The following PRDM11 variants were observed in gnomAD, a reference collection of about 807,000 sequenced individuals.
The protein encoded by PRDM11 is PR/SET domain 11, also known as PR domain-containing protein 11.
In PRDM11, 20 loss-of-function variants were observed where a neutral mutation model predicts 97.8. That is an observed-to-expected ratio of 0.20 (90% CI 0.14 to 0.30). The LOEUF (loss-of-function observed/expected upper bound fraction) is 0.30. PRDM11 is among the 10% of genes least tolerant of loss of function. The pLI, the probability that PRDM11 is intolerant of heterozygous loss-of-function variation, is 1.00. For synonymous variants in PRDM11, 599 were observed against 637.7 expected (o/e 0.94, Z 0.91); for missense variants, 1,139 against 1,555.2 (o/e 0.73, Z 4.50).
intron 6 of PRDM11, among the ~76,000 whole-genome samples, chr11:45,221,021 C>T (rs766155305): frequency 6.6e-6 from 1 of 152,072 alleles, no homozygotes; most frequent in Non-Finnish European, 1.5e-5. Context: ...TCCTGACCAA[C>T]TTACTAATTG....
chr11:45,127,299 G>T (rs1852596446), intron 1 of PRDM11, among the ~76,000 whole-genome samples: 2 of 152,142 alleles, frequency 1.3e-5, no homozygotes, highest in African/African-American at 2.4e-5. Context: ...CTGTAGCTCG[G>T]AGTAGTTTGA....
At position 45,146,763 on chromosome 11, in the gene PRDM11, C is replaced by A. The variant is rs190194785; in HGVS notation, c.-121C>A. The A allele has an allele frequency of 6.8e-6, 1 of 146,938 alleles. No homozygotes were observed. The highest frequency in any genetic ancestry group is 1.5e-5 in the Non-Finnish European group (1 of 66,036). The allele number at this position is 146,938 out of a possible 1,614,324, so 9.1% of individuals were successfully genotyped here. A position where few individuals can be genotyped will look rare whatever the true frequency, so the allele number is the denominator to read the frequency against. ...TCGCCGGGGACCAGCGCGCCCGCAG[C>A]GCGGCCGCTCCCTCCGCGGGGGCCG... On this transcript the variant is annotated 5_prime_UTR_variant, in exon 1 of 8. Coordinates refer to ENST00000683152, the MANE Select transcript of PRDM11 (RefSeq NM_001384648.1).
At chr11:45,125,993 C>T (rs1462152743) in intron 1 of PRDM11, among the ~76,000 whole-genome samples, 3 of 152,302 alleles carry the variant, frequency 2.0e-5, no homozygotes, top group East Asian at 1.9e-4. Flanking sequence ...TTGTAGTTCA[C>T]TCAGGACTTG....
chr11:45,173,328 T>C (rs1852247104), intron 1 of PRDM11, among the ~76,000 whole-genome samples: 1 of 151,962 alleles, frequency 6.6e-6, no homozygotes, highest in Admixed American at 6.5e-5. Flanking sequence ...AGCAAACACA[T>C]AAAAAAGTTC....
At chr11:45,213,117 G>C (rs778306121) in intron 5 of PRDM11, 1 of 456,262 alleles carries the variant, frequency 2.2e-6, no homozygotes, top group Non-Finnish European at 4.4e-6. Flanking sequence ...CCAGTCTTTC[G>C]TGTCCAGGAA....
At chr11:45,168,653 G>A (rs1338406734) in intron 1 of PRDM11, among the ~76,000 whole-genome samples, 1 of 152,186 alleles carries the variant, frequency 6.6e-6, no homozygotes, top group Non-Finnish European at 1.5e-5. Flanking sequence ...AGAGCCACAG[G>A]TGTAATGTGT....
intron 4 of PRDM11, among the ~76,000 whole-genome samples, chr11:45,197,640 T>C (rs1479664457): frequency 2.6e-5 from 4 of 152,184 alleles, no homozygotes; most frequent in Non-Finnish European, 5.9e-5. Flanking sequence ...TACATACAGC[T>C]TTTTGTATGC....
chr11:45,208,580 G>A (rs772668931), intron 5 of PRDM11, among the ~76,000 whole-genome samples: 1 of 152,294 alleles, frequency 6.6e-6, no homozygotes, highest in Middle Eastern at 3.4e-3. Context: ...AGGTGTGAAA[G>A]GTTGAACATG....
At chr11:45,134,335 C>G (rs1852783996) in intron 1 of PRDM11, among the ~76,000 whole-genome samples, 1 of 152,044 alleles carries the variant, frequency 6.6e-6, no homozygotes. Flanking sequence ...TAATCTCAGG[C>G]AGTTACAAAA....
At chr11:45,217,104 A>G (rs2863169) in intron 5 of PRDM11, among the ~76,000 whole-genome samples, 27,861 of 152,194 alleles carry the variant, frequency 0.18, 3,327 homozygotes, top group African/African-American at 0.34. Flanking sequence ...AACAACTTCT[A>G]TTCTGTGCTA....
chr11:45,121,273 A>T (rs1271795965), intron 1 of PRDM11, among the ~76,000 whole-genome samples: 1 of 152,190 alleles, frequency 6.6e-6, no homozygotes. Context: ...TTTATAAGAG[A>T]TACACACAAT....
At chr11:45,220,218 C>G (rs1215108457) in intron 6 of PRDM11, among the ~76,000 whole-genome samples, 1 of 152,182 alleles carries the variant, frequency 6.6e-6, no homozygotes, top group Non-Finnish European at 1.5e-5. Flanking sequence ...CTGGGAACCC[C>G]TGTGGTTAAA....
rs1854471906 is a variant in PRDM11 at position 45,234,765 on chromosome 11, C to G, written c.*6606C>G. ...TTCACTTTTGTCTCTCCGGAAGAAC[C>G]AGCAGTCTGATTCCGTCTATTTCAG... On this transcript the variant is annotated 3_prime_UTR_variant, in exon 8 of 8. Coordinates refer to ENST00000683152, the MANE Select transcript of PRDM11 (RefSeq NM_001384648.1). The G allele has an allele frequency of 6.6e-6, 1 of 152,298 alleles. No homozygotes were observed. The highest frequency in any genetic ancestry group is 1.5e-5 in the Non-Finnish European group (1 of 68,126). The allele number at this position is 152,298 out of a possible 1,614,324, so 9.4% of individuals were successfully genotyped here.
chr11:45,144,055 T>C (rs1353162010), upstream of PRDM11, among the ~76,000 whole-genome samples: 3 of 152,212 alleles, frequency 2.0e-5, no homozygotes, highest in Admixed American at 6.5e-5. Context: ...CCAGAGCACA[T>C]GTGTCAACCC....
At chr11:45,221,786 T>TCAAACTGCC (rs1483012158) in intron 6 of PRDM11, among the ~76,000 whole-genome samples, 1 of 152,154 alleles carries the variant, frequency 6.6e-6, no homozygotes, top group African/African-American at 2.4e-5. Flanking sequence ...TGGGGCAGTT[T>TCAAACTGCC]CACAGCTGTG....
chr11:45,153,914 A>G (rs1297345651), intron 1 of PRDM11, among the ~76,000 whole-genome samples: 1 of 152,236 alleles, frequency 6.6e-6, no homozygotes, highest in Non-Finnish European at 1.5e-5. Flanking sequence ...CTTGGGGCTC[A>G]GAGAGGTTAC....
intron 1 of PRDM11, among the ~76,000 whole-genome samples, chr11:45,098,558 G>C (rs76778312): frequency 6.6e-6 from 1 of 152,186 alleles, no homozygotes; most frequent in African/African-American, 2.4e-5. Context: ...GCCCAGGCTC[G>C]CACAGCTATG....
intron 5 of PRDM11, among the ~76,000 whole-genome samples, chr11:45,210,426 C>T (rs1457671205): frequency 4.6e-5 from 7 of 152,208 alleles, no homozygotes; most frequent in Non-Finnish European, 1.0e-4. Context: ...TAAAGGCCTC[C>T]GCAGGGACTG....
intron 1 of PRDM11, among the ~76,000 whole-genome samples, chr11:45,180,891 G>A (rs1852468866): frequency 6.6e-6 from 1 of 151,880 alleles, no homozygotes; most frequent in African/African-American, 2.4e-5. Flanking sequence ...TCGGAGGAGG[G>A]GGCAGGCCGT....
Sources: gnomAD v4.1 joint callset for allele counts (sites outside exome capture counted in the v4.1 genomes callset) on GRCh38, gnomAD v4.1.1 for gene constraint, MANE v1.5 for transcripts, NCBI Gene and HGNC (gene_info 2026-07-23, HGNC 2026-07-21) for gene names.